PIK3C2G: variants seen among roughly 807,000 people sequenced by gnomAD.
PIK3C2G encodes phosphatidylinositol 3-kinase C2 domain-containing subunit gamma.
A neutral mutation model predicts 181.1 loss-of-function variants in PIK3C2G; 168 were observed. The ratio of observed to expected loss-of-function variants is 0.93; its 90% CI spans 0.82 to 1.05. The LOEUF (loss-of-function observed/expected upper bound fraction) is 1.05. PIK3C2G is among the 50% of genes least tolerant of loss of function. PIK3C2G has a pLI of 0.00. For missense variants in PIK3C2G, 1,869 were observed against 1,732.8 expected, an observed-to-expected ratio of 1.08 and a Z score of -1.40; for synonymous variants, 573 against 592.2, an observed-to-expected ratio of 0.97 and a Z score of 0.47.
intron 14 of PIK3C2G, among the ~76,000 whole-genome samples, chr12:18,389,475 G>A (rs534138485): frequency 6.6e-6 from 1 of 152,076 alleles, no homozygotes; most frequent in Non-Finnish European, 1.5e-5. Context: ...GCAGCTTTGG[G>A]GTGCTATGTA....
At chr12:18,547,150 T>C (rs1944474750) in intron 26 of PIK3C2G, among the ~76,000 whole-genome samples, 2 of 152,074 alleles carry the variant, frequency 1.3e-5, no homozygotes, top group African/African-American at 4.8e-5. Flanking sequence ...ATTGTTCTAA[T>C]ATTTTCCACT....
chr12:18,537,771 A>G (rs1943936790), intron 24 of PIK3C2G, among the ~76,000 whole-genome samples: 1 of 152,014 alleles, frequency 6.6e-6, no homozygotes, highest in Non-Finnish European at 1.5e-5. Flanking sequence ...CTATAAGGTC[A>G]AACACATCTG....
At chr12:18,367,708 G>A (rs898436564) in intron 12 of PIK3C2G, among the ~76,000 whole-genome samples, 2 of 151,760 alleles carry the variant, frequency 1.3e-5, no homozygotes, top group Admixed American at 6.6e-5. Flanking sequence ...GCATGCATGT[G>A]CCACCACGCC....
intron 18 of PIK3C2G, among the ~76,000 whole-genome samples, chr12:18,426,723 A>C (rs1267846458): frequency 6.6e-6 from 1 of 152,212 alleles, no homozygotes; most frequent in Non-Finnish European, 1.5e-5. Flanking sequence ...GCTTCAAGAA[A>C]TGTTACTCAT....
At chr12:18,669,583 C>T in the PIK3C2G span, among the ~76,000 whole-genome samples, 1 of 152,060 alleles carries the variant, frequency 6.6e-6, no homozygotes, top group African/African-American at 2.4e-5. Context: ...GGTGAGGGCC[C>T]CTATTCCTGG....
intron 8 of PIK3C2G, among the ~76,000 whole-genome samples, chr12:18,330,230 T>G (rs982952739): frequency 6.6e-6 from 1 of 152,130 alleles, no homozygotes; most frequent in Non-Finnish European, 1.5e-5. Context: ...GTTTTCAAAA[T>G]GTATATAATT....
chr12:18,317,074 C>T (rs563747415), intron 6 of PIK3C2G, among the ~76,000 whole-genome samples: 154 of 140,478 alleles, frequency 1.1e-3, no homozygotes, highest in Non-Finnish European at 1.9e-4. Flanking sequence ...AGTGCAGTGG[C>T]GTGATCTTGG....
rs146232025 is a variant in PIK3C2G at position 18,337,866 on chromosome 12, T to C, written c.1273-560T>C. ...GCGATTTTTTTGAAAAATCAGTCACTTCAAGGATAGTGCAATCAGATGATT... is the reference window on the plus strand; with the variant it reads ...GCGATTTTTTTGAAAAATCAGTCACCTCAAGGATAGTGCAATCAGATGATT... On this transcript the variant is annotated intron_variant, in intron 8 of 32. Transcript: ENST00000538779. Among the ~76,000 whole-genome samples, 1,013 of 152,276 alleles carry C rather than the reference T, an allele frequency of 6.7e-3. 11 individuals carry two copies. The highest frequency in any genetic ancestry group is 0.023 in the African/African-American group (975 of 41,570).
intron 8 of PIK3C2G, 51 bp downstream of exon 8, chr12:18,325,149 A>G: frequency 2.0e-6 from 2 of 1,014,886 alleles, no homozygotes; most frequent in South Asian, 2.9e-5. Context: ...TTTTTAACGC[A>G]TCTACTATTT....
At chr12:18,266,842 C>T (rs973996735) in intron 1 of PIK3C2G, among the ~76,000 whole-genome samples, 5 of 151,666 alleles carry the variant, frequency 3.3e-5, no homozygotes, top group African/African-American at 1.2e-4. Context: ...TCCTCCTCCT[C>T]CTCATTCTCT....
chr12:18,620,936 A>G (rs112187103), intron 31 of PIK3C2G, among the ~76,000 whole-genome samples: 130 of 152,254 alleles, frequency 8.5e-4, no homozygotes, highest in African/African-American at 1.8e-3. Context: ...CAGGATAAAG[A>G]TAAGTATCTA....
chr12:18,271,679 T>A (rs1325501400), intron 1 of PIK3C2G, among the ~76,000 whole-genome samples: 3 of 152,156 alleles, frequency 2.0e-5, no homozygotes, highest in Non-Finnish European at 4.4e-5. Context: ...ATACTGATTG[T>A]CTCTTATACT....
intron 5 of PIK3C2G, among the ~76,000 whole-genome samples, chr12:18,311,760 A>G (rs902651376): frequency 6.6e-6 from 1 of 152,060 alleles, no homozygotes; most frequent in African/African-American, 2.4e-5. Flanking sequence ...AATAGGACAG[A>G]TGTGTATATA....
At chr12:18,481,969 G>T (rs1299003524) in intron 18 of PIK3C2G, among the ~76,000 whole-genome samples, 1 of 152,074 alleles carries the variant, frequency 6.6e-6, no homozygotes, top group South Asian at 2.1e-4. Flanking sequence ...AGCATAGTAG[G>T]TCTCAAAACT....
rs538564989 is a variant in PIK3C2G, at chr12:18,566,233, T to C, written c.3903-716T>C. ...TCCATGTTCATTTCCCCTCCAAGCA[T>C]GGTAGCCAAGCCGTGGTTCCTACCA... On this transcript the variant is annotated intron_variant, in intron 28 of 32. Transcript: ENST00000538779. Among the ~76,000 whole-genome samples the C allele has an allele frequency of 2.0e-5, 3 of 152,280 alleles. No individual in the cohort carries two copies. In the East Asian group the frequency reaches 5.8e-4, roughly 29 times the overall value.
intron 10 of PIK3C2G, among the ~76,000 whole-genome samples, chr12:18,346,177 C>G (rs979168479): frequency 6.6e-5 from 10 of 152,128 alleles, no homozygotes; most frequent in Non-Finnish European, 1.2e-4. Context: ...AATATCAACA[C>G]ATTGTATATG....
intron 18 of PIK3C2G, among the ~76,000 whole-genome samples, chr12:18,429,469 C>T (rs540494217): frequency 2.2e-4 from 33 of 152,264 alleles, no homozygotes; most frequent in African/African-American, 7.9e-4. Context: ...GAAGCTTTCC[C>T]TGACCCTCTC....
chr12:18,569,925 A>G (rs1945837830), intron 29 of PIK3C2G, among the ~76,000 whole-genome samples: 1 of 152,098 alleles, frequency 6.6e-6, no homozygotes, highest in African/African-American at 2.4e-5. Context: ...ATAATTTAAT[A>G]TTCATTTATT....
At chr12:18,635,004 A>G (rs371280353) in intron 31 of PIK3C2G, among the ~76,000 whole-genome samples, 83 of 152,290 alleles carry the variant, frequency 5.5e-4, no homozygotes, top group African/African-American at 1.9e-3. Context: ...GGATCACTGT[A>G]TAATTACACA....
Sources: allele counts gnomAD v4.1 joint callset (sites outside exome capture counted in the v4.1 genomes callset), GRCh38; gene constraint gnomAD v4.1.1; transcripts MANE v1.5; gene names NCBI Gene and HGNC (gene_info 2026-07-23, HGNC 2026-07-21).